GRM8: variants seen among roughly 807,000 people sequenced by gnomAD.
GRM8 encodes glutamate metabotropic receptor 8.
A neutral mutation model predicts 87.2 loss-of-function variants in GRM8; 47 were observed. That is an observed-to-expected ratio of 0.54 (90% CI 0.43 to 0.69). The LOEUF is 0.69. Ranked by LOEUF, GRM8 falls within the 30% of genes least tolerant of loss-of-function variation. The pLI is 0.00. For missense variants in GRM8, 1,019 were observed against 1,139.2 expected, an observed-to-expected ratio of 0.89 and a Z score of 1.52; for synonymous variants, 396 against 404.5, an observed-to-expected ratio of 0.98 and a Z score of 0.25.
intron 2 of GRM8, among the ~76,000 whole-genome samples, chr7:127,216,525 AAAAAAAAAAC>A (rs1483411431): frequency 4.0e-5 from 6 of 150,886 alleles, no homozygotes; most frequent in South Asian, 4.2e-4. Context: ...CTCAAAAAAA[AAAAAAAAAAC>A]AAAAAAAAAA....
intron 3 of GRM8, among the ~76,000 whole-genome samples, chr7:127,056,107 T>G (rs530658847): frequency 6.6e-6 from 1 of 151,242 alleles, no homozygotes; most frequent in East Asian, 2.0e-4. Context: ...TTCCCCAAGT[T>G]TAAATTAGGT....
intron 7 of GRM8, among the ~76,000 whole-genome samples, chr7:126,631,479 T>C (rs1160887502): frequency 1.3e-5 from 2 of 152,038 alleles, no homozygotes; most frequent in Admixed American, 6.6e-5. Context: ...ATAGATTCAA[T>C]GCTATTCCCA....
At chr7:126,891,960 T>C (rs1435425579) in intron 6 of GRM8, among the ~76,000 whole-genome samples, 2 of 141,382 alleles carry the variant, frequency 1.4e-5, no homozygotes, top group African/African-American at 5.3e-5. Flanking sequence ...CCCAAGGCAC[T>C]GAGATTCAGC....
chr7:126,874,263 T>G (rs1799355814), intron 6 of GRM8, among the ~76,000 whole-genome samples: 1 of 152,058 alleles, frequency 6.6e-6, no homozygotes, highest in Non-Finnish European at 1.5e-5. Flanking sequence ...TGGGGTAAAA[T>G]AAAACTTTTT....
At chr7:126,700,085 T>C (rs548204600) in intron 7 of GRM8, among the ~76,000 whole-genome samples, 2 of 152,258 alleles carry the variant, frequency 1.3e-5, no homozygotes, top group East Asian at 3.9e-4. Flanking sequence ...GTTCATAGGG[T>C]TATTTTAATC....
At chr7:126,774,713 T>A (rs1332582908) in intron 6 of GRM8, among the ~76,000 whole-genome samples, 1 of 152,166 alleles carries the variant, frequency 6.6e-6, no homozygotes, top group Non-Finnish European at 1.5e-5. Context: ...TTGGGTTTTG[T>A]TCCTTTTCAG....
At chr7:126,590,509 A>G (rs539205738) in intron 8 of GRM8, among the ~76,000 whole-genome samples, 1 of 152,230 alleles carries the variant, frequency 6.6e-6, no homozygotes, top group South Asian at 2.1e-4. Context: ...ATTCAAATAC[A>G]AGAAGCTCAA....
At chr7:127,158,207 T>C (rs1792860602) in intron 2 of GRM8, among the ~76,000 whole-genome samples, 1 of 152,104 alleles carries the variant, frequency 6.6e-6, no homozygotes, top group Non-Finnish European at 1.5e-5. Flanking sequence ...TTACCCCACC[T>C]CAAGAGAGTA....
At chr7:126,538,825 G>A (rs1362179) in intron 8 of GRM8, among the ~76,000 whole-genome samples, 128,012 of 151,986 alleles carry the variant, frequency 0.84, 54,293 homozygotes, top group African/African-American at 0.95. Context: ...AAACTTTAGT[G>A]CCATATTTTG....
intron 6 of GRM8, among the ~76,000 whole-genome samples, chr7:126,792,804 A>G (rs1243653558): frequency 1.3e-5 from 2 of 152,194 alleles, no homozygotes; most frequent in African/African-American, 4.8e-5. Context: ...TGCACTTTCT[A>G]ACAGTTTTGA....
At position 127,047,197 on chromosome 7, in the gene GRM8, C is replaced by G. The variant is rs1819014534; in HGVS notation, c.727+59299G>C. 2.0e-5 allele frequency among the ~76,000 whole-genome samples: 3 copies of G among 152,282 alleles called. No individual in the cohort carries two copies. The South Asian group carries it at 6.2e-4, about 32-fold the overall frequency. ...TCTGATAACATATTACCCATGGCTGCTTTTAAGCCACAGTGACATAGTTGA... is the reference window on the plus strand; with the variant it reads ...TCTGATAACATATTACCCATGGCTGGTTTTAAGCCACAGTGACATAGTTGA... On this transcript the variant is annotated intron_variant, in intron 3 of 10. Coordinates refer to ENST00000339582, the MANE Select transcript of GRM8 (RefSeq NM_000845.3).
chr7:126,636,006 T>G (rs1481164056), intron 7 of GRM8, among the ~76,000 whole-genome samples: 1 of 152,150 alleles, frequency 6.6e-6, no homozygotes, highest in African/African-American at 2.4e-5. Flanking sequence ...ATATATGTAT[T>G]TTTTCAATTC....
chr7:126,575,723 T>G, intron 8 of GRM8, among the ~76,000 whole-genome samples: 1 of 152,172 alleles, frequency 6.6e-6, no homozygotes, highest in Non-Finnish European at 1.5e-5. Context: ...TTTGAAATTG[T>G]AAGCCTGTGA....
intron 2 of GRM8, among the ~76,000 whole-genome samples, chr7:127,152,693 A>C (rs1792471023): frequency 6.6e-6 from 1 of 152,124 alleles, no homozygotes; most frequent in Non-Finnish European, 1.5e-5. Context: ...CTCTTTATAC[A>C]AGAGTGTAGG....
At chr7:127,000,928 C>A (rs1039319219) in intron 3 of GRM8, among the ~76,000 whole-genome samples, 1 of 151,472 alleles carries the variant, frequency 6.6e-6, no homozygotes, top group Non-Finnish European at 1.5e-5. Context: ...ATGAAATCTA[C>A]AAATTGATTG....
intron 8 of GRM8, among the ~76,000 whole-genome samples, chr7:126,587,007 C>T (rs1054943589): frequency 6.6e-6 from 1 of 152,004 alleles, no homozygotes. Flanking sequence ...CCATCAAAAA[C>T]TGGGTGAAGG....
chr7:126,925,313 A>T (rs905322239), intron 3 of GRM8, among the ~76,000 whole-genome samples: 4 of 152,330 alleles, frequency 2.6e-5, no homozygotes, highest in Admixed American at 2.6e-4. Context: ...GTGCTGAATG[A>T]ATTTTTAGAA....
chr7:126,723,235 A>G (rs1185862542), intron 7 of GRM8, among the ~76,000 whole-genome samples: 1 of 151,946 alleles, frequency 6.6e-6, no homozygotes, highest in Non-Finnish European at 1.5e-5. Context: ...GTGAAGAGGT[A>G]TAAGAAATAT....
At chr7:126,642,111 G>A (rs1298912043) in intron 7 of GRM8, among the ~76,000 whole-genome samples, 2 of 152,084 alleles carry the variant, frequency 1.3e-5, no homozygotes, top group African/African-American at 4.8e-5. Flanking sequence ...TGAATAAATG[G>A]TAGCTCTTCA....
Sources: allele counts gnomAD v4.1 joint callset (sites outside exome capture counted in the v4.1 genomes callset), GRCh38; gene constraint gnomAD v4.1.1; transcripts MANE v1.5; gene names NCBI Gene and HGNC (gene_info 2026-07-23, HGNC 2026-07-21).